The following FRMPD4 variants were observed in gnomAD, a reference collection of about 807,000 sequenced individuals.
FRMPD4 encodes the protein FERM and PDZ domain containing 4.
Under a neutral mutation model 94.1 loss-of-function variants are expected in FRMPD4, and 22 were observed. That is an observed-to-expected ratio of 0.23 (90% confidence interval 0.17 to 0.33). The LOEUF is 0.33. Among genes scored for constraint, FRMPD4 ranks in the 10% least tolerant of loss-of-function variants. FRMPD4 has a pLI of 1.00. For synonymous variants in FRMPD4, 631 were observed against 548.6 expected (o/e 1.15, Z -2.10); for missense variants, 1,111 against 1,339.9 (o/e 0.83, Z 2.67).
chrX:12,685,392 G>A lies in FRMPD4; in HGVS notation c.574-705G>A, dbSNP rs186084574. Reference sequence around the variant, plus strand: ...TCTCTCATCTCTCACTACTTCCAATGAAAGAAAAAATGCAAAGAAATAACA... The same window carrying A: ...TCTCTCATCTCTCACTACTTCCAATAAAAGAAAAAATGCAAAGAAATAACA... On this transcript the variant is annotated intron_variant, in intron 6 of 16. Coordinates refer to ENST00000675598, the MANE Select transcript of FRMPD4 (RefSeq NM_001368397.1). 3.6e-5 allele frequency among the ~76,000 whole-genome samples: 4 copies of A among 111,244 alleles called. No homozygotes were observed. In the Admixed American group the frequency reaches 3.8e-4, roughly 11 times the overall value.
chrX:12,693,859 G>A (rs2060101593), intron 8 of FRMPD4, among the ~76,000 whole-genome samples: 1 of 111,423 alleles, frequency 9.0e-6, no homozygotes. Context: ...CAGACTACCG[G>A]AGCCCATCGT....
chrX:12,601,802 C>T (rs1288540031), intron 2 of FRMPD4, among the ~76,000 whole-genome samples: 2 of 111,382 alleles, frequency 1.8e-5, no homozygotes, highest in East Asian at 2.8e-4. Flanking sequence ...CACTGACTGC[C>T]GTTTCTTAGG....
intron 1 of FRMPD4, among the ~76,000 whole-genome samples, chrX:12,319,329 C>A (rs973487276): frequency 8.9e-6 from 1 of 112,298 alleles, no homozygotes; most frequent in Non-Finnish European, 1.9e-5. Context: ...TGTTCTCATA[C>A]GCAGCTGCAT....
At chrX:12,456,009 G>A (rs1601963780) in intron 1 of FRMPD4, among the ~76,000 whole-genome samples, 1 of 111,214 alleles carries the variant, frequency 9.0e-6, no homozygotes, top group African/African-American at 3.3e-5. Flanking sequence ...GGTCAGGCTG[G>A]TCTCGAACTC....
intron 1 of FRMPD4, among the ~76,000 whole-genome samples, chrX:12,263,285 G>A (rs1366961745): frequency 9.0e-6 from 1 of 111,332 alleles, no homozygotes; most frequent in African/African-American, 3.3e-5. Flanking sequence ...TAGTCCCCCT[G>A]GTAAACCAGG....
intron 1 of FRMPD4, among the ~76,000 whole-genome samples, chrX:12,282,243 G>A (rs2054536882): frequency 8.9e-6 from 1 of 112,115 alleles, no homozygotes; most frequent in African/African-American, 3.2e-5. Context: ...CCCGCAGGCA[G>A]TCACGGATCT....
intron 3 of FRMPD4, among the ~76,000 whole-genome samples, chrX:11,967,440 A>C (rs1424657079): frequency 8.9e-6 from 1 of 112,635 alleles, no homozygotes; most frequent in Non-Finnish European, 1.9e-5. Context: ...CTTTAGAGTC[A>C]CAATTTACTT....
intron 2 of FRMPD4, among the ~76,000 whole-genome samples, chrX:12,555,494 T>C (rs1246385560): frequency 8.9e-6 from 1 of 112,416 alleles, no homozygotes; most frequent in Admixed American, 9.5e-5. Context: ...CAAAAATATA[T>C]TGTGGATAGC....
At chrX:12,024,668 A>G (rs1050135179) in intron 3 of FRMPD4, among the ~76,000 whole-genome samples, 3 of 112,178 alleles carry the variant, frequency 2.7e-5, no homozygotes, top group Non-Finnish European at 5.6e-5. Context: ...CCCTCCCCAG[A>G]GGTAACATTT....
chrX:12,282,322 G>C (rs1431676363), intron 1 of FRMPD4, among the ~76,000 whole-genome samples: 1 of 112,341 alleles, frequency 8.9e-6, no homozygotes, highest in Non-Finnish European at 1.9e-5. Flanking sequence ...TTCTCCATCA[G>C]GCACAGGGCT....
intron 1 of FRMPD4, among the ~76,000 whole-genome samples, chrX:12,465,327 C>T (rs1298925604): frequency 9.0e-6 from 1 of 111,327 alleles, no homozygotes; most frequent in Non-Finnish European, 1.9e-5. Flanking sequence ...TTACATAATC[C>T]CAAGCCAGGA....
chrX:12,252,700 G>A (rs191418250), intron 1 of FRMPD4, among the ~76,000 whole-genome samples: 150 of 111,623 alleles, frequency 1.3e-3, no homozygotes, highest in African/African-American at 4.6e-3. Context: ...AATAAATTAA[G>A]ATCAGACATA....
intron 5 of FRMPD4, among the ~76,000 whole-genome samples, chrX:12,675,464 G>A (rs1417585155): frequency 9.2e-6 from 1 of 108,234 alleles, no homozygotes; most frequent in Non-Finnish European, 1.9e-5. Context: ...GGTATAATCT[G>A]CGTACCATAA....
At chrX:12,610,299 G>C (rs762630880) in intron 3 of FRMPD4, among the ~76,000 whole-genome samples, 23 of 112,503 alleles carry the variant, frequency 2.0e-4, no homozygotes, top group Middle Eastern at 4.6e-3. Flanking sequence ...TCTCATTAGA[G>C]GCAAAATAAA....
At chrX:12,412,813 G>C (rs2056751065) in intron 1 of FRMPD4, among the ~76,000 whole-genome samples, 1 of 112,074 alleles carries the variant, frequency 8.9e-6, no homozygotes, top group Non-Finnish European at 1.9e-5. Flanking sequence ...GAGCCTTTCT[G>C]GTTGAATCTG....
chrX:12,531,727 T>G (rs1172682237), intron 2 of FRMPD4, among the ~76,000 whole-genome samples: 2 of 111,201 alleles, frequency 1.8e-5, no homozygotes, highest in African/African-American at 6.5e-5. Context: ...CTCCTACCCC[T>G]GCTCATAATC....
intron 2 of FRMPD4, chrX:12,583,589 G>A: frequency 1.6e-6 from 1 of 627,210 alleles, no homozygotes; most frequent in Non-Finnish European, 2.4e-6. Context: ...CACCAGCTGA[G>A]CCTCAGTGCT....
intron 1 of FRMPD4, among the ~76,000 whole-genome samples, chrX:12,493,604 GCA>G (rs2057813768): frequency 8.9e-6 from 1 of 111,948 alleles, no homozygotes; most frequent in Non-Finnish European, 1.9e-5. Flanking sequence ...CTTATTTGTG[GCA>G]CAGTGTAAGT....
intron 2 of FRMPD4, among the ~76,000 whole-genome samples, chrX:12,594,194 T>C (rs1267541472): frequency 8.9e-6 from 1 of 111,845 alleles, no homozygotes; most frequent in Non-Finnish European, 1.9e-5. Flanking sequence ...TAAATTACTG[T>C]GTAATTGAAC....
Sources: gnomAD v4.1 joint callset for allele counts (sites outside exome capture counted in the v4.1 genomes callset) on GRCh38, gnomAD v4.1.1 for gene constraint, MANE v1.5 for transcripts, NCBI Gene and HGNC (gene_info 2026-07-23, HGNC 2026-07-21) for gene names.